The following NR2F1-AS1 variants were observed in gnomAD, a reference collection of about 807,000 sequenced individuals.
The protein encoded by NR2F1-AS1 is NR2F1 antisense RNA 1.
At chr5:93,585,584 T>C, upstream of NR2F1-AS1, 6 of 962,442 alleles carry the variant, frequency 6.2e-6, no homozygotes, top group Non-Finnish European at 9.4e-6. Flanking sequence ...GGGCTGGGGC[T>C]CCTGTGGTCC....
chr5:93,550,288 C>A (rs1297932773), intron 4 of NR2F1-AS1, among the ~76,000 whole-genome samples: 2 of 152,096 alleles, frequency 1.3e-5, no homozygotes, highest in Non-Finnish European at 2.9e-5. Context: ...GAGTTGACCC[C>A]CTTCATTCGG....
chr5:93,441,128 G>C (rs1291182194), intron 4 of NR2F1-AS1, among the ~76,000 whole-genome samples: 1 of 152,132 alleles, frequency 6.6e-6, no homozygotes, highest in Non-Finnish European at 1.5e-5. Flanking sequence ...TTCATGTAAG[G>C]CAGAGTTGAA....
intron 1 of NR2F1-AS1, among the ~76,000 whole-genome samples, chr5:93,564,730 A>G (rs879866431): frequency 3.3e-5 from 5 of 152,202 alleles, no homozygotes; most frequent in Admixed American, 6.5e-5. Context: ...TCAGAGACAT[A>G]TACATGTAAA....
At chr5:93,457,403 C>A in intron 4 of NR2F1-AS1, among the ~76,000 whole-genome samples, 1 of 152,206 alleles carries the variant, frequency 6.6e-6, no homozygotes, top group East Asian at 1.9e-4. Flanking sequence ...ATCCACTAAA[C>A]CTTGAGTCGT....
intron 4 of NR2F1-AS1, among the ~76,000 whole-genome samples, chr5:93,539,604 A>G (rs1407304521): frequency 6.6e-6 from 1 of 152,126 alleles, no homozygotes; most frequent in African/African-American, 2.4e-5. Flanking sequence ...GAGAGGGATC[A>G]GGGGAAGGAG....
intron 4 of NR2F1-AS1, among the ~76,000 whole-genome samples, chr5:93,536,869 G>A (rs1751850709): frequency 6.6e-6 from 1 of 152,140 alleles, no homozygotes; most frequent in Admixed American, 6.6e-5. Context: ...TTGAATCATG[G>A]GAGTGGGTCT....
intron 4 of NR2F1-AS1, among the ~76,000 whole-genome samples, chr5:93,448,750 T>A (rs1749769669): frequency 6.6e-6 from 1 of 152,188 alleles, no homozygotes. Context: ...GAGCTCCCTC[T>A]TACTCAGCCT....
chr5:93,563,008 G>A (rs779332180), intron 2 of NR2F1-AS1, among the ~76,000 whole-genome samples: 19 of 152,120 alleles, frequency 1.2e-4, no homozygotes, highest in Non-Finnish European at 4.4e-5. Flanking sequence ...TTGTATCCAC[G>A]AATTGTAAGT....
chr5:93,477,285 A>T (rs1273325092), intron 4 of NR2F1-AS1, among the ~76,000 whole-genome samples: 1 of 152,206 alleles, frequency 6.6e-6, no homozygotes, highest in Admixed American at 6.5e-5. Context: ...TGAAACATCA[A>T]TGCTAATGTA....
chr5:93,421,385 G>A (rs1749084782), intron 4 of NR2F1-AS1, among the ~76,000 whole-genome samples: 1 of 151,588 alleles, frequency 6.6e-6, no homozygotes. Context: ...AAAAAAGAGG[G>A]AAAAGCTTCG....
At chr5:93,539,089 G>A (rs1046463789) in intron 4 of NR2F1-AS1, among the ~76,000 whole-genome samples, 2 of 152,118 alleles carry the variant, frequency 1.3e-5, no homozygotes, top group African/African-American at 4.8e-5. Context: ...GACCAACCTG[G>A]CCAACATGGC....
chr5:93,446,044 C>T (rs895817132), intron 4 of NR2F1-AS1, among the ~76,000 whole-genome samples: 4 of 152,080 alleles, frequency 2.6e-5, no homozygotes, highest in Admixed American at 2.6e-4. Flanking sequence ...ATTGACGGGA[C>T]GTACATCAAA....
intron 4 of NR2F1-AS1, among the ~76,000 whole-genome samples, chr5:93,526,990 T>G (rs1461446071): frequency 1.3e-5 from 2 of 152,164 alleles, no homozygotes; most frequent in African/African-American, 4.8e-5. Flanking sequence ...CTGGAAGTTC[T>G]GGCCAGGGCA....
chr5:93,501,817 A>G (rs139824142), intron 4 of NR2F1-AS1, among the ~76,000 whole-genome samples: 8 of 152,342 alleles, frequency 5.3e-5, no homozygotes, highest in Admixed American at 5.2e-4. Flanking sequence ...AAGAAGTTCT[A>G]TTGTGGCATA....
intron 1 of NR2F1-AS1, among the ~76,000 whole-genome samples, chr5:93,568,114 G>A (rs1301955325): frequency 6.6e-6 from 1 of 152,136 alleles, no homozygotes; most frequent in South Asian, 2.1e-4. Flanking sequence ...CTAATGCTGT[G>A]TTAAGTTTAA....
chr5:93,515,848 T>A (rs1451386152), intron 4 of NR2F1-AS1, among the ~76,000 whole-genome samples: 1 of 151,956 alleles, frequency 6.6e-6, no homozygotes, highest in Admixed American at 6.6e-5. Flanking sequence ...TTTTTACTTA[T>A]TTATGGTTAA....
At chr5:93,524,333 G>A (rs1751565948) in intron 4 of NR2F1-AS1, among the ~76,000 whole-genome samples, 1 of 152,016 alleles carries the variant, frequency 6.6e-6, no homozygotes, top group Non-Finnish European at 1.5e-5. Context: ...AATGAACAAA[G>A]CCTCCAAGAA....
intron 4 of NR2F1-AS1, among the ~76,000 whole-genome samples, chr5:93,454,701 G>A (rs1388954603): frequency 6.6e-6 from 1 of 152,194 alleles, no homozygotes; most frequent in Non-Finnish European, 1.5e-5. Flanking sequence ...GATCTCCGGG[G>A]ATGGGGAAAG....
intron 4 of NR2F1-AS1, among the ~76,000 whole-genome samples, chr5:93,462,161 C>A (rs544345437): frequency 6.6e-6 from 1 of 152,182 alleles, no homozygotes; most frequent in Non-Finnish European, 1.5e-5. Flanking sequence ...CCACCCAAAT[C>A]TCATCTTGAA....
Sources: gnomAD v4.1 joint callset for allele counts (sites outside exome capture counted in the v4.1 genomes callset) on GRCh38, gnomAD v4.1.1 for gene constraint, MANE v1.5 for transcripts, NCBI Gene and HGNC (gene_info 2026-07-23, HGNC 2026-07-21) for gene names.